Variants in TFRC observed in about 807,000 individuals in gnomAD.
TFRC encodes transferrin receptor, also known as transferrin receptor protein 1.
Under a neutral mutation model 85.8 loss-of-function variants are expected in TFRC, and 35 were observed. The ratio of observed to expected loss-of-function variants is 0.41; its 90% CI spans 0.31 to 0.54. The LOEUF is 0.54. Ranked by LOEUF, TFRC falls within the 20% of genes least tolerant of loss-of-function variation. The probability of loss-of-function intolerance (pLI) is 0.31; values close to 1 mark genes in which losing one functional copy is unlikely to be tolerated. For missense variants in TFRC, 828 were observed against 921.5 expected (o/e 0.90, Z 1.31); for synonymous variants, 362 against 328.6 (o/e 1.10, Z -1.10).
In TFRC at chr3:196,075,352, T is replaced by C. The variant is rs1334014891; in HGVS notation, c.45A>G (p.Gly15=). Residue 15 remains glycine, a synonymous_variant, in exon 3 of 19, where the codon GGA becomes GGG. Transcript: ENST00000360110. ...ARSAFSNLFG[G]EPLSYTRFSL... is the part of the protein sequence containing the mutation. ...TGAACCGGGTATATGACAATGGTTC[T>C]CCACCAAACTGTGTTGCGGAAAAAG... 1 of 1,614,020 alleles carries C rather than the reference T, an allele frequency of 6.2e-7. No individual in the cohort carries two copies. The highest frequency in any genetic ancestry group is 1.3e-5 in the African/African-American group (1 of 74,920).
rs1281483074 is a variant in TFRC at position 196,052,105 on chromosome 3, T to A, written c.2120A>T (p.His707Leu). Residue 707 changes from histidine (H) to leucine (L), a missense_variant, in exon 19 of 19, where the codon CAC (histidine) becomes CTC (leucine). By Grantham distance (99) the His-to-Leu change is moderately conservative. Transcript: ENST00000360110. ...FRHVFWGSGS[H>L]TLPALLENLK... is the part of the protein sequence containing the mutation. ...GTTCTCCAGTAAAGCTGGCAGCGTG[T>A]GAGAGCCGGAGCCCCAGAAGACATG... 3 of 1,613,970 alleles carry A rather than the reference T, an allele frequency of 1.9e-6. No individual in the cohort carries two copies. The South Asian group carries it at 3.3e-5, about 18-fold the overall frequency.
At chr3:196,059,900 A>T (rs540528720) in intron 14 of TFRC, among the ~76,000 whole-genome samples, 1 of 152,102 alleles carries the variant, frequency 6.6e-6, no homozygotes, top group African/African-American at 2.4e-5. Flanking sequence ...CTTCCTTAGC[A>T]TTGTGACTCT....
intron 10 of TFRC, 24 bp downstream of exon 10, chr3:196,065,419 G>GGC: frequency 5.9e-4 from 8 of 13,536 alleles, no homozygotes; most frequent in Non-Finnish European, 9.3e-4. Context: ...AAGCGGGGCG[G>GGC]GGGGGGGGGG....
chr3:196,075,182 G>C lies in TFRC; in HGVS notation c.215C>G (p.Ala72Gly), dbSNP rs760231105. The change falls in exon 3 of 19, where the codon GCT becomes GGT. Residue 72 changes from alanine to glycine, a missense_variant. Coordinates refer to ENST00000360110, the MANE Select transcript of TFRC (RefSeq NM_001128148.3). ...CSGSICYGTI[A>G]VIVFFLIGFM... ...ACCAATCAAGAAAAAGACGATCACA[G>C]CAATAGTCCCATAGCAGATACTTCC... The C allele has an allele frequency of 3.7e-6, 6 of 1,614,016 alleles. No homozygotes were observed. In the South Asian group the frequency reaches 4.4e-5, roughly 12 times the overall value.
chr3:196,071,289 T>C, intron 6 of TFRC, 107 bp downstream of exon 6: 1 of 1,081,762 alleles, frequency 9.2e-7, no homozygotes, highest in Middle Eastern at 2.0e-4. Context: ...AAATATCTCA[T>C]GATCATTTAC....
chr3:196,071,185 G>A (rs1300162193), intron 6 of TFRC, among the ~76,000 whole-genome samples: 2 of 152,166 alleles, frequency 1.3e-5, no homozygotes, highest in Non-Finnish European at 1.5e-5. Flanking sequence ...GCTGCTAGCA[G>A]TACTATAAAG....
intron 16 of TFRC, among the ~76,000 whole-genome samples, chr3:196,056,988 AT>A (rs1716848815): frequency 6.6e-6 from 1 of 151,952 alleles, no homozygotes; most frequent in African/African-American, 2.4e-5. Flanking sequence ...TGTCCGACTA[AT>A]TTTTGTATTT....
At chr3:196,055,627 T>C (rs1716714408) in intron 16 of TFRC, 2 of 368,676 alleles carry the variant, frequency 5.4e-6, no homozygotes, top group Non-Finnish European at 5.1e-6. Context: ...TGGGCCTTTA[T>C]CAATGAAAAA....
chr3:196,071,485 C>A lies in TFRC; in HGVS notation c.598G>T (p.Val200Leu), dbSNP rs1718202744. The change falls in exon 6 of 19, where the codon GTG becomes TTG. Residue 200 changes from valine to leucine, a missense_variant. Transcript: ENST00000360110. ...IQVKDSAQNS[V>L]IIVDKNGRLV... ...CTACCGTTCTTATCAACTATGATCA[C>A]CGAGTTTTGAGCGCTGTTAAAAAGA... 6.2e-7 allele frequency: 1 copy of A among 1,614,050 alleles called. No individual in the cohort carries two copies. Among genetic ancestry groups the A allele is most frequent in the African/African-American group, 1.3e-5 (1 of 75,044 alleles).
At chr3:196,055,003 G>A in intron 17 of TFRC, 77 bp downstream of exon 17, 1 of 1,371,766 alleles carries the variant, frequency 7.3e-7, no homozygotes, top group Non-Finnish European at 1.0e-6. Flanking sequence ...CTTCCAACAG[G>A]AACACACAGG....
At chr3:196,080,817 T>C (rs3804138) in intron 1 of TFRC, among the ~76,000 whole-genome samples, 11,273 of 149,508 alleles carry the variant, frequency 0.075, 534 homozygotes, top group East Asian at 0.16. Flanking sequence ...GAGAAGCATA[T>C]TGTAACCCAA....
At chr3:196,058,656 A>C in intron 14 of TFRC, 24 bp from the exon 15 acceptor site, 1 of 1,577,856 alleles carries the variant, frequency 6.3e-7, no homozygotes, top group Non-Finnish European at 8.7e-7. Flanking sequence ...AATTATCATT[A>C]AAACTAACCT....
intron 6 of TFRC, among the ~76,000 whole-genome samples, chr3:196,070,244 T>C (rs1718074309): frequency 6.7e-6 from 1 of 150,214 alleles, no homozygotes; most frequent in Non-Finnish European, 1.5e-5. Flanking sequence ...CCACTAGAGA[T>C]ACGCCTGACT....
chr3:196,061,521 GCT>G (rs566134121), intron 13 of TFRC, among the ~76,000 whole-genome samples: 38 of 151,890 alleles, frequency 2.5e-4, no homozygotes, highest in African/African-American at 8.0e-4. Context: ...ATGGAGTCTC[GCT>G]CTGTCGCCCA....
chr3:196,075,462 A>G lies in TFRC; in HGVS notation c.37-102T>C. On this transcript the variant is annotated intron_variant, in intron 2 of 18. Coordinates refer to ENST00000360110, the MANE Select transcript of TFRC (RefSeq NM_001128148.3). ...TATTGGGCCATTACTATAACTTGCT[A>G]TATATTCCTTAGGGTGTTCTCCTTT... is the stretch of plus-strand genomic sequence containing the variant. 2.6e-6 allele frequency: 3 copies of G among 1,137,874 alleles called. No homozygotes were observed. The South Asian group carries it at 4.0e-5, about 15-fold the overall frequency. The allele number at this position is 1,137,874 out of a possible 1,614,324, so 70.5% of individuals were successfully genotyped here. A position where few individuals can be genotyped will look rare whatever the true frequency, so the allele number is the denominator to read the frequency against.
At chr3:196,053,697 C>A in intron 17 of TFRC, 139 bp from the exon 18 acceptor site, 6 of 979,432 alleles carry the variant, frequency 6.1e-6, no homozygotes, top group Admixed American at 2.3e-5. Context: ...AAGCACCTTG[C>A]ACAGGGGTTC....
At chr3:196,060,864 A>G (rs1445152028) in intron 13 of TFRC, among the ~76,000 whole-genome samples, 1 of 151,460 alleles carries the variant, frequency 6.6e-6, no homozygotes, top group Non-Finnish European at 1.5e-5. Context: ...AATTAAGAGA[A>G]AGGTACCTAG....
chr3:196,075,304 G>A lies in TFRC; in HGVS notation c.93C>T (p.Gly31=), dbSNP rs186607130. 5.0e-5 allele frequency: 80 copies of A among 1,613,824 alleles called. No individual in the cohort carries two copies. In the Admixed American group the frequency reaches 9.7e-4, roughly 20 times the overall value. ...TRFSLARQVD[G]DNSHVEMKLA... ...GTTTCATCTCCACATGACTGTTATCGCCATCTACTTGCCGAGCCAGGCTGA... is the reference window on the plus strand; with the variant it reads ...GTTTCATCTCCACATGACTGTTATCACCATCTACTTGCCGAGCCAGGCTGA... Residue 31 remains glycine (G), a synonymous_variant, in exon 3 of 19, where the codon GGC becomes GGT. Coordinates refer to ENST00000360110, the MANE Select transcript of TFRC (RefSeq NM_001128148.3).
At chr3:196,079,917 TTC>T (rs2108661451) in intron 1 of TFRC, among the ~76,000 whole-genome samples, 1 of 152,334 alleles carries the variant, frequency 6.6e-6, no homozygotes, top group African/African-American at 2.4e-5. Context: ...CTATGAAGCC[TTC>T]TCTGACTGAC....
Sources: gnomAD v4.1 joint callset for allele counts (sites outside exome capture counted in the v4.1 genomes callset) on GRCh38, gnomAD v4.1.1 for gene constraint, MANE v1.5 for transcripts, NCBI Gene and HGNC (gene_info 2026-07-23, HGNC 2026-07-21) for gene names.